The following TMED3 variants were observed in gnomAD, a reference collection of about 807,000 sequenced individuals.
TMED3 encodes transmembrane p24 trafficking protein 3.
A neutral mutation model predicts 15.0 loss-of-function variants in TMED3; 9 were observed. The observed-to-expected ratio is 0.60, with a 90% CI of 0.36 to 1.04. TMED3 has a LOEUF of 1.04. TMED3 is among the 50% of genes least tolerant of loss of function. The pLI, the probability that TMED3 is intolerant of heterozygous loss-of-function variation, is 0.01. For missense variants in TMED3, 267 were observed against 278.9 expected, an observed-to-expected ratio of 0.96 and a Z score of 0.30; for synonymous variants, 117 against 121.4, an observed-to-expected ratio of 0.96 and a Z score of 0.24.
intron 2 of TMED3, chr15:79,411,264 C>G: frequency 1.8e-6 from 1 of 560,798 alleles, no homozygotes; most frequent in African/African-American, 1.9e-5. Flanking sequence ...TTAGAGCCAG[C>G]AATAAAGGTA....
intron 2 of TMED3, among the ~76,000 whole-genome samples, chr15:79,353,246 CTATATATAATATATAT>C (rs2058902536): frequency 5.0e-5 from 2 of 39,910 alleles, no homozygotes; most frequent in African/African-American, 1.1e-4. Context: ...AATATATATA[CTATATATAATATATAT>C]TATATATAAT....
At position 79,353,019 on chromosome 15, in the gene TMED3, AAT is replaced by A. The variant is rs1467957421; in HGVS notation, c.417+39023_417+39024del. On this transcript the variant is annotated intron_variant, in intron 2 of 2. Coordinates refer to the TMED3 transcript ENST00000424155. ...GTTATATAAAATATATATTATATAA[AAT>A]ATATATATTTTATATATATTATATA... 3.7e-5 allele frequency among the ~76,000 whole-genome samples: 4 copies of A among 107,562 alleles called. 1 individual carries two copies. The highest frequency in any genetic ancestry group is 4.8e-4 in the South Asian group (2 of 4,180). The allele number at this position is 107,562 out of a possible 152,430, so 70.6% of individuals were successfully genotyped here.
chr15:79,406,611 A>G (rs781209672), intron 2 of TMED3, among the ~76,000 whole-genome samples: 17 of 152,226 alleles, frequency 1.1e-4, no homozygotes, highest in Admixed American at 2.0e-4. Context: ...CAAGGAAGCA[A>G]TAGGTCCTGG....
At chr15:79,345,902 T>C (rs1335248844) in intron 2 of TMED3, among the ~76,000 whole-genome samples, 1 of 152,234 alleles carries the variant, frequency 6.6e-6, no homozygotes, top group Non-Finnish European at 1.5e-5. Flanking sequence ...TAATCATCAG[T>C]GATGTTGAGC....
intron 2 of TMED3, among the ~76,000 whole-genome samples, chr15:79,321,628 G>A (rs2058767137): frequency 6.6e-6 from 1 of 152,190 alleles, no homozygotes; most frequent in Non-Finnish European, 1.5e-5. Flanking sequence ...CCTCATCTGT[G>A]TGTGGGATAA....
chr15:79,326,377 TC>T (rs1160334909), downstream of TMED3, among the ~76,000 whole-genome samples: 1 of 152,202 alleles, frequency 6.6e-6, no homozygotes. Flanking sequence ...CAAAAGGGGC[TC>T]CTGAGCTGTC....
chr15:79,407,304 C>G (rs1402636335), intron 2 of TMED3, among the ~76,000 whole-genome samples: 1 of 152,226 alleles, frequency 6.6e-6, no homozygotes, highest in Non-Finnish European at 1.5e-5. Flanking sequence ...ATCAATTAAA[C>G]TCTCCCAACA....
chr15:79,348,751 T>C (rs1008967427), intron 2 of TMED3, among the ~76,000 whole-genome samples: 13 of 152,216 alleles, frequency 8.5e-5, no homozygotes, highest in Non-Finnish European at 1.9e-4. Flanking sequence ...TTTTCTATAA[T>C]GGCTGCAGTA....
chr15:79,336,438 A>T (rs769450904), intron 2 of TMED3, among the ~76,000 whole-genome samples: 2 of 152,182 alleles, frequency 1.3e-5, no homozygotes, highest in African/African-American at 4.8e-5. Flanking sequence ...TGGGTGGATC[A>T]TTTGAGGTCA....
chr15:79,360,571 A>G (rs1273279157), intron 2 of TMED3, among the ~76,000 whole-genome samples: 3 of 152,214 alleles, frequency 2.0e-5, no homozygotes, highest in Non-Finnish European at 4.4e-5. Context: ...ACAACAGTAC[A>G]CTGTAGTGTG....
chr15:79,384,208 G>A (rs565953900), intron 2 of TMED3: 25 of 152,326 alleles, frequency 1.6e-4, no homozygotes, highest in African/African-American at 5.3e-4. Context: ...CTCTCTCGAG[G>A]CAGTGATTAA....
chr15:79,324,826 T>C (rs56974461), downstream of TMED3, among the ~76,000 whole-genome samples: 5,810 of 152,254 alleles, frequency 0.038, 386 homozygotes, highest in African/African-American at 0.13. Flanking sequence ...AGGACTGGGT[T>C]GGGGCTGACC....
intron 2 of TMED3, among the ~76,000 whole-genome samples, chr15:79,398,448 C>T (rs559498734): frequency 1.3e-5 from 2 of 152,218 alleles, no homozygotes; most frequent in East Asian, 3.9e-4. Flanking sequence ...AATCTGCTGC[C>T]TACAAGTTGG....
At chr15:79,411,536 A>T (rs898400935) in exon 3 of TMED3, 1 of 700,806 alleles carries the variant, frequency 1.4e-6, no homozygotes, top group South Asian at 1.5e-5. Flanking sequence ...CTGAGAGTGG[A>T]TGGAGGGAAG....
At chr15:79,382,332 G>T (rs1489616530) in intron 2 of TMED3, among the ~76,000 whole-genome samples, 1 of 152,210 alleles carries the variant, frequency 6.6e-6, no homozygotes, top group African/African-American at 2.4e-5. Context: ...TTTCTAGGGA[G>T]GCTATAAGCT....
chr15:79,318,813 C>T (rs546852509), intron 2 of TMED3, among the ~76,000 whole-genome samples: 2 of 152,176 alleles, frequency 1.3e-5, no homozygotes, highest in Non-Finnish European at 2.9e-5. Flanking sequence ...GTCCCCAGTG[C>T]AGAGGCCTAC....
In TMED3 at chr15:79,313,933, C is replaced by T. The variant is rs1305265668; in HGVS notation, c.345C>T (p.Tyr115=). ...CCACCTTCTCTCACAAGACCGTCTA[C>T]TTTGACTTTCAAGTGGGCGATGAGC... is the stretch of plus-strand genomic sequence containing the variant. The part of the protein sequence containing the change: ...EFSTFSHKTV[Y]FDFQVGDEPP... Residue 115 remains tyrosine (Y), a synonymous_variant, in exon 2 of 3, where the codon TAC becomes TAT. Coordinates refer to ENST00000299705, the MANE Select transcript of TMED3 (RefSeq NM_007364.4). 1.2e-6 allele frequency: 2 copies of T among 1,614,246 alleles called. No homozygotes were observed. Among genetic ancestry groups the T allele is most frequent in the Non-Finnish European group, 1.7e-6 (2 of 1,180,050 alleles).
intron 2 of TMED3, among the ~76,000 whole-genome samples, chr15:79,352,016 A>G (rs1219030005): frequency 6.6e-6 from 1 of 151,286 alleles, no homozygotes; most frequent in Admixed American, 6.6e-5. Context: ...GAGCTAAGCT[A>G]TGAGGACTCA....
intron 2 of TMED3, among the ~76,000 whole-genome samples, chr15:79,321,433 A>G (rs1457783608): frequency 1.3e-5 from 2 of 152,246 alleles, no homozygotes; most frequent in Non-Finnish European, 2.9e-5. Flanking sequence ...ATGTGCTTAC[A>G]TACATGAAGC....
Sources: allele counts gnomAD v4.1 joint callset (sites outside exome capture counted in the v4.1 genomes callset), GRCh38; gene constraint gnomAD v4.1.1; transcripts MANE v1.5; gene names NCBI Gene and HGNC (gene_info 2026-07-23, HGNC 2026-07-21).